Variants in ARMCX4 observed in about 807,000 individuals in gnomAD.
ARMCX4 encodes armadillo repeat containing X-linked 4.
Under a neutral mutation model 34.7 loss-of-function variants are expected in ARMCX4, and 3 were observed. That is an observed-to-expected ratio of 0.09 (90% CI 0.04 to 0.22). ARMCX4 has a LOEUF of 0.22. Among genes scored for constraint, ARMCX4 ranks in the 10% least tolerant of loss-of-function variants. The probability of loss-of-function intolerance (pLI) is 1.00; values close to 1 mark genes in which losing one functional copy is unlikely to be tolerated. For synonymous variants in ARMCX4, 513 were observed against 632.8 expected (o/e 0.81, Z 2.84); for missense variants, 1,448 against 1,720.8 (o/e 0.84, Z 2.81).
At chrX:101,529,381 T>C (rs1289621915) in intron 11 of ARMCX4, among the ~76,000 whole-genome samples, 2 of 111,832 alleles carry the variant, frequency 1.8e-5, no homozygotes, top group Non-Finnish European at 3.8e-5. Context: ...ATAAAAACCC[T>C]AGAAGAAAAC....
chrX:101,443,036 C>G (rs1018660642), intron 2 of ARMCX4, among the ~76,000 whole-genome samples: 4 of 102,677 alleles, frequency 3.9e-5, no homozygotes, highest in Admixed American at 2.3e-4. Flanking sequence ...GAGGCTGAGG[C>G]AGGAGAATGG....
chrX:101,520,193 C>A (rs1162832074), intron 11 of ARMCX4, among the ~76,000 whole-genome samples: 3 of 112,116 alleles, frequency 2.7e-5, no homozygotes, highest in Non-Finnish European at 5.6e-5. Flanking sequence ...CATCCTGCAA[C>A]CTTTCTTTAA....
intron 4 of ARMCX4, among the ~76,000 whole-genome samples, chrX:101,453,614 G>A (rs1026694431): frequency 1.2e-4 from 13 of 111,140 alleles, no homozygotes; most frequent in African/African-American, 3.9e-4. Flanking sequence ...TTGTAGACAC[G>A]GACAAGGATG....
intron 2 of ARMCX4, among the ~76,000 whole-genome samples, chrX:101,436,961 A>G (rs1156775672): frequency 4.3e-4 from 48 of 112,001 alleles, no homozygotes; most frequent in African/African-American, 1.5e-3. Flanking sequence ...TGATTTGCGT[A>G]TGTTGAACCA....
intron 4 of ARMCX4, among the ~76,000 whole-genome samples, chrX:101,471,460 C>T (rs1207948273): frequency 8.9e-6 from 1 of 112,246 alleles, no homozygotes; most frequent in African/African-American, 3.2e-5. Flanking sequence ...TTCTAGTATG[C>T]TAGGAACACG....
At chrX:101,451,829 A>G (rs782664701), downstream of ARMCX4, among the ~76,000 whole-genome samples, 30 of 112,516 alleles carry the variant, frequency 2.7e-4, no homozygotes, top group Non-Finnish European at 4.3e-4. Context: ...CTCTATGTCA[A>G]CGTAAAATAA....
intron 2 of ARMCX4, among the ~76,000 whole-genome samples, chrX:101,431,352 G>A (rs1012932008): frequency 9.0e-6 from 1 of 111,586 alleles, no homozygotes; most frequent in Admixed American, 9.5e-5. Flanking sequence ...CTATGACTTA[G>A]GTATGGATTA....
At chrX:101,418,572 A>G (rs1298049186) in intron 1 of ARMCX4, among the ~76,000 whole-genome samples, 1 of 111,126 alleles carries the variant, frequency 9.0e-6, no homozygotes, top group South Asian at 3.8e-4. Flanking sequence ...GTGCGACAGG[A>G]GAAGGGAAGG....
At chrX:101,528,422 C>G (rs782588963) in intron 11 of ARMCX4, among the ~76,000 whole-genome samples, 83 of 111,673 alleles carry the variant, frequency 7.4e-4, no homozygotes, top group Admixed American at 2.5e-3. Context: ...AAAACTGGCA[C>G]AAGACAGGGA....
chrX:101,443,399 C>G (rs1466181192), intron 2 of ARMCX4, among the ~76,000 whole-genome samples: 1 of 111,739 alleles, frequency 8.9e-6, no homozygotes, highest in East Asian at 2.8e-4. Context: ...AGACGCCAAT[C>G]CTACCAGCAC....
intron 4 of ARMCX4, among the ~76,000 whole-genome samples, chrX:101,463,005 C>T (rs901846621): frequency 2.7e-5 from 3 of 111,749 alleles, no homozygotes; most frequent in African/African-American, 9.8e-5. Context: ...GCCTTTCCCT[C>T]CTTTCCTCCT....
Position 101,491,301 on chromosome X carries a change from A to C in ARMCX4, c.2712A>C (p.Thr904=). The change falls in exon 6 of 6, where the codon ACA becomes ACC. Residue 904 remains threonine (T), a synonymous_variant. Transcript: ENST00000423738. ...CTAAGGCAGGGGCCAGAGAAGATAC[A>C]ATGGGCTCTGCCCAGCCTCAGGTTG... ...VVSKAGARED[T]MGSAQPQVVA... 5.2e-6 allele frequency: 6 copies of C among 1,156,064 alleles called. No individual in the cohort carries two copies. Among genetic ancestry groups the C allele is most frequent in the East Asian group, 3.3e-5 (1 of 30,764 alleles).
At chrX:101,465,272 A>C (rs1443042605) in intron 4 of ARMCX4, among the ~76,000 whole-genome samples, 2 of 111,702 alleles carry the variant, frequency 1.8e-5, no homozygotes, top group Non-Finnish European at 3.8e-5. Context: ...TTAAAAAATA[A>C]CTACATGTTG....
At position 101,491,757 on chromosome X, in the gene ARMCX4, C is replaced by T. The variant is rs1249594849; in HGVS notation, c.3168C>T (p.Ala1056=). The T allele has an allele frequency of 7.8e-5, 90 of 1,155,586 alleles. No homozygotes were observed. Among genetic ancestry groups the T allele is most frequent in the Non-Finnish European group, 1.5e-5 (13 of 872,783 alleles). Residue 1056 remains alanine, a synonymous_variant, in exon 6 of 6, where the codon GCC becomes GCT. Coordinates refer to ENST00000423738, the MANE Select transcript of ARMCX4 (RefSeq NM_001256155.3). The part of the protein sequence containing the change: ...DKSMSTSEAE[A]TAEDEAYAKP... ...CTATGTCCACTTCTGAGGCAGAAGC[C>T]ACAGCAGAAGATGAGGCCTATGCAA...
intron 2 of ARMCX4, among the ~76,000 whole-genome samples, chrX:101,422,218 T>C (rs1929319389): frequency 9.1e-6 from 1 of 109,350 alleles, no homozygotes; most frequent in South Asian, 3.9e-4. Context: ...GGTTTCACCA[T>C]GTTGGCCAGG....
intron 7 of ARMCX4, among the ~76,000 whole-genome samples, chrX:101,502,370 G>T (rs1934320093): frequency 8.9e-6 from 1 of 112,278 alleles, no homozygotes; most frequent in Non-Finnish European, 1.9e-5. Flanking sequence ...CTCCTGAGTA[G>T]TAGGAATATA....
chrX:101,463,599 C>T (rs1490765065), intron 4 of ARMCX4, among the ~76,000 whole-genome samples: 1 of 111,528 alleles, frequency 9.0e-6, no homozygotes, highest in Non-Finnish European at 1.9e-5. Context: ...GTCTTGTCTT[C>T]GGGAAAGACA....
chrX:101,453,008 A>C (rs1932076290), intron 4 of ARMCX4, among the ~76,000 whole-genome samples: 2 of 110,664 alleles, frequency 1.8e-5, no homozygotes, highest in African/African-American at 6.6e-5. Context: ...AAAATAAAGT[A>C]CTATTATCAC....
chrX:101,459,982 A>G (rs1370476328), intron 4 of ARMCX4, among the ~76,000 whole-genome samples: 2 of 112,994 alleles, frequency 1.8e-5, no homozygotes, highest in South Asian at 7.2e-4. Context: ...GATTCAGACC[A>G]TCTGGTTGAG....
Sources: gnomAD v4.1 joint callset for allele counts (sites outside exome capture counted in the v4.1 genomes callset) on GRCh38, gnomAD v4.1.1 for gene constraint, MANE v1.5 for transcripts, NCBI Gene and HGNC (gene_info 2026-07-23, HGNC 2026-07-21) for gene names.